The following NAV3 variants were observed in gnomAD, a reference collection of about 807,000 sequenced individuals.
NAV3 encodes the protein neuron navigator 3.
NAV3 carries 87 observed loss-of-function variants against 244.7 expected under a neutral mutation model. The observed-to-expected ratio is 0.36, with a 90% CI of 0.30 to 0.42. NAV3 has a LOEUF of 0.42. Ranked by LOEUF, NAV3 falls within the 20% of genes least tolerant of loss-of-function variation. The pLI is 1.00. For missense variants in NAV3, 2,663 were observed against 2,893.3 expected, an observed-to-expected ratio of 0.92 and a Z score of 1.83; for synonymous variants, 1,126 against 1,042.2, an observed-to-expected ratio of 1.08 and a Z score of -1.55.
At chr12:77,698,438 G>T (rs138077613) in intron 2 of NAV3, among the ~76,000 whole-genome samples, 3 of 152,244 alleles carry the variant, frequency 2.0e-5, no homozygotes, top group African/African-American at 7.2e-5. Context: ...AACAGATTGT[G>T]GGCTGAGGAA....
At chr12:77,985,699 A>C (rs932067396) in intron 5 of NAV3, among the ~76,000 whole-genome samples, 3 of 152,114 alleles carry the variant, frequency 2.0e-5, no homozygotes, top group African/African-American at 7.2e-5. Context: ...AACTCAAATT[A>C]GAGGCCCAGG....
chr12:78,077,680 A>C (rs761862118), intron 12 of NAV3, among the ~76,000 whole-genome samples: 14 of 152,196 alleles, frequency 9.2e-5, no homozygotes, highest in Non-Finnish European at 1.3e-4. Flanking sequence ...GCTCATGCCT[A>C]TAATCCCAGC....
intron 5 of NAV3, among the ~76,000 whole-genome samples, chr12:77,977,230 T>A (rs1868610834): frequency 6.6e-6 from 1 of 152,116 alleles, no homozygotes; most frequent in Admixed American, 6.5e-5. Context: ...GTAGTTGCTA[T>A]GATAACTTGA....
chr12:77,913,876 A>G (rs1301286888), intron 1 of NAV3, among the ~76,000 whole-genome samples: 1 of 152,050 alleles, frequency 6.6e-6, no homozygotes, highest in African/African-American at 2.4e-5. Context: ...TGTGCTTGAT[A>G]CTTTTTCAGT....
At chr12:77,842,153 C>T (rs1368998254) in intron 1 of NAV3, among the ~76,000 whole-genome samples, 2 of 152,098 alleles carry the variant, frequency 1.3e-5, no homozygotes, top group Non-Finnish European at 2.9e-5. Context: ...TAAAGCAAAA[C>T]ACTGAATAAG....
At chr12:78,203,069 G>A (rs1389341799) in intron 38 of NAV3, among the ~76,000 whole-genome samples, 1 of 152,048 alleles carries the variant, frequency 6.6e-6, no homozygotes, top group Non-Finnish European at 1.5e-5. Flanking sequence ...AAAAATGTTG[G>A]TGATACAATG....
intron 2 of NAV3, among the ~76,000 whole-genome samples, chr12:77,719,927 C>A (rs1236089973): frequency 6.6e-6 from 1 of 152,044 alleles, no homozygotes; most frequent in Admixed American, 6.6e-5. Context: ...CTCGGCTTTT[C>A]TTTGCTGAGA....
intron 1 of NAV3, among the ~76,000 whole-genome samples, chr12:77,860,786 A>G (rs1431060495): frequency 3.3e-5 from 5 of 151,854 alleles, no homozygotes; most frequent in Non-Finnish European, 2.9e-5. Flanking sequence ...GCAGTTTCTC[A>G]TATGATTTTG....
chr12:77,826,157 C>A (rs1872990116), upstream of NAV3, among the ~76,000 whole-genome samples: 1 of 152,024 alleles, frequency 6.6e-6, no homozygotes, highest in African/African-American at 2.4e-5. Flanking sequence ...CTCAGAGATA[C>A]CCTTTGAGTT....
intron 2 of NAV3, among the ~76,000 whole-genome samples, chr12:77,766,028 A>G (rs1869733516): frequency 1.3e-5 from 2 of 152,218 alleles, no homozygotes; most frequent in Admixed American, 6.5e-5. Flanking sequence ...AATTGCCATC[A>G]GTTAAGAAAT....
intron 2 of NAV3, among the ~76,000 whole-genome samples, chr12:77,797,998 G>A (rs1393825769): frequency 2.0e-5 from 3 of 151,738 alleles, no homozygotes; most frequent in East Asian, 1.9e-4. Flanking sequence ...GTGAAACCCT[G>A]TCTCTACTAA....
intron 2 of NAV3, among the ~76,000 whole-genome samples, chr12:77,647,419 C>G (rs199974940): frequency 6.6e-6 from 1 of 151,840 alleles, no homozygotes. Flanking sequence ...TGAAACAGCT[C>G]TGTGCTACAA....
chr12:77,598,503 A>G (rs1247122172), intron 2 of NAV3, among the ~76,000 whole-genome samples: 3 of 151,978 alleles, frequency 2.0e-5, no homozygotes, highest in African/African-American at 4.8e-5. Context: ...TTTTTGTAGT[A>G]GGGTCTGATT....
intron 12 of NAV3, chr12:78,091,758 T>G (rs2138026929): frequency 7.5e-6 from 1 of 133,116 alleles, no homozygotes; most frequent in South Asian, 2.5e-4. Flanking sequence ...ATCCCGCCAC[T>G]GCACTCCAGC....
intron 1 of NAV3, among the ~76,000 whole-genome samples, chr12:77,871,220 C>A (rs1880903150): frequency 6.6e-6 from 1 of 152,084 alleles, no homozygotes; most frequent in South Asian, 2.1e-4. Context: ...TGAGAAATAA[C>A]TTCTCTAAGT....
At chr12:77,713,895 T>G (rs1387434604) in intron 2 of NAV3, among the ~76,000 whole-genome samples, 1 of 152,170 alleles carries the variant, frequency 6.6e-6, no homozygotes, top group East Asian at 1.9e-4. Flanking sequence ...TTTCTGAAAT[T>G]AGGAAGATAT....
chr12:78,119,316 T>G lies in NAV3; in HGVS notation c.3120T>G (p.Asp1040Glu). ...CATCTCTACAAAGATCTCCTTCAGA[T>G]GCAGGAAAAAGCAGTGGAGATGAAG... ...KGSSLQRSPS[D>E]AGKSSGDEGK... is the part of the protein sequence containing the mutation. Residue 1040 changes from aspartate to glutamate, a missense_variant, in exon 15 of 40, where the codon GAT becomes GAG. Physicochemically the swap from Asp to Glu is conservative, Grantham distance 45. Coordinates refer to ENST00000397909, the MANE Select transcript of NAV3 (RefSeq NM_001024383.2). 6.2e-7 allele frequency: 1 copy of G among 1,614,160 alleles called. No individual in the cohort carries two copies. The highest frequency in any genetic ancestry group is 1.1e-5 in the South Asian group (1 of 91,082).
chr12:78,190,072 G>A lies in NAV3; in HGVS notation c.6144G>A (p.Glu2048=), dbSNP rs769182837. 9 of 1,613,006 alleles carry A rather than the reference G, an allele frequency of 5.6e-6. No homozygotes were observed. The African/African-American group carries it at 9.4e-5, about 17-fold the overall frequency. The change falls in exon 34 of 40, where the codon GAG becomes GAA. Residue 2048 remains glutamate (E), a synonymous_variant. Coordinates refer to ENST00000397909, the MANE Select transcript of NAV3 (RefSeq NM_001024383.2). Reference sequence around the variant, plus strand: ...AAAGGTACTTTAACTTGTTGATGGAGCATCACAGAATTATACTCTCAGGAC... The same window carrying A: ...AAAGGTACTTTAACTTGTTGATGGAACATCACAGAATTATACTCTCAGGAC... The part of the protein sequence containing the change: ...ITQRYFNLLM[E]HHRIILSGPS...
At chr12:77,785,074 T>C (rs569121478) in intron 2 of NAV3, among the ~76,000 whole-genome samples, 7 of 152,194 alleles carry the variant, frequency 4.6e-5, no homozygotes, top group African/African-American at 1.7e-4. Context: ...TGAGAATTAA[T>C]AGAAATAATG....
Sources: gnomAD v4.1 joint callset for allele counts (sites outside exome capture counted in the v4.1 genomes callset) on GRCh38, gnomAD v4.1.1 for gene constraint, MANE v1.5 for transcripts, NCBI Gene and HGNC (gene_info 2026-07-23, HGNC 2026-07-21) for gene names.